The following KALRN variants were observed in gnomAD, a reference collection of about 807,000 sequenced individuals.
KALRN encodes kalirin RhoGEF kinase, also known as kalirin.
A neutral mutation model predicts 353.7 loss-of-function variants in KALRN; 70 were observed. The ratio of observed to expected loss-of-function variants is 0.20; its 90% CI spans 0.16 to 0.24. The LOEUF is 0.24. Among genes scored for constraint, KALRN ranks in the 10% least tolerant of loss-of-function variants. The pLI is 1.00. For synonymous variants in KALRN, 1,391 were observed against 1,434.8 expected, an observed-to-expected ratio of 0.97 and a Z score of 0.69; for missense variants, 2,791 against 3,756.7, an observed-to-expected ratio of 0.74 and a Z score of 6.72.
chr3:124,092,348 TCTC>T (rs1270494746), intron 1 of KALRN, among the ~76,000 whole-genome samples: 10 of 152,130 alleles, frequency 6.6e-5, no homozygotes. Flanking sequence ...TCTGTCTAGG[TCTC>T]CTGCCATGAT....
chr3:124,422,223 T>C (rs374429425), intron 14 of KALRN, among the ~76,000 whole-genome samples: 59 of 152,326 alleles, frequency 3.9e-4, no homozygotes, highest in Admixed American at 1.8e-3. Context: ...TTTCTAACAG[T>C]GCCTTTTTTT....
intron 4 of KALRN, among the ~76,000 whole-genome samples, chr3:124,266,968 C>T (rs1032949370): frequency 6.6e-6 from 1 of 152,156 alleles, no homozygotes; most frequent in Admixed American, 6.5e-5. Flanking sequence ...GCATTGCTGG[C>T]CTGCATGTCC....
At position 124,298,902 on chromosome 3, in the gene KALRN, A is replaced by G. The variant is rs202139324; in HGVS notation, c.1081A>G (p.Met361Val). The G allele has an allele frequency of 6.2e-7, 1 of 1,614,166 alleles. No homozygotes were observed. The highest frequency in any genetic ancestry group is 8.5e-7 in the Non-Finnish European group (1 of 1,180,018). The change falls in exon 6 of 60, where the codon ATG becomes GTG. Residue 361 changes from methionine (M) to valine (V), a missense_variant. Transcript: ENST00000682506. ...DLQTQHNHFA[M>V]NSMNAYVNIN... ...CCAGACGCAGCACAATCACTTTGCC[A>G]TGAACTCCATGGTGAGCTGAGGGGC...
intron 6 of KALRN, among the ~76,000 whole-genome samples, chr3:124,317,500 C>T (rs181384450): frequency 1.4e-4 from 21 of 152,186 alleles, no homozygotes; most frequent in Admixed American, 1.3e-3. Context: ...TAAGATCAGG[C>T]GTGCTAGAAG....
chr3:124,177,781 A>G (rs948708391), intron 1 of KALRN, among the ~76,000 whole-genome samples: 1 of 152,160 alleles, frequency 6.6e-6, no homozygotes, highest in African/African-American at 2.4e-5. Context: ...CTACCATGCT[A>G]AAGATCGCTG....
chr3:124,283,495 G>A lies in KALRN; in HGVS notation c.969+14240G>A, dbSNP rs1167342645. ...CACTCAGAGTCAATATCCCGGGGCT[G>A]TCTGGGCTGACTCCTGGCTTGGTTA... On this transcript the variant is annotated intron_variant, in intron 5 of 59. Coordinates refer to ENST00000682506, the MANE Select transcript of KALRN (RefSeq NM_001388419.1). Among the ~76,000 whole-genome samples the A allele has an allele frequency of 3.3e-5, 5 of 152,146 alleles. No homozygotes were observed. The East Asian group carries it at 9.6e-4, about 29-fold the overall frequency.
intron 33 of KALRN, among the ~76,000 whole-genome samples, chr3:124,544,279 G>A (rs548677308): frequency 6.6e-6 from 1 of 152,280 alleles, no homozygotes; most frequent in East Asian, 1.9e-4. Flanking sequence ...ATCACAAGGG[G>A]GCCAGGTGCA....
At chr3:124,564,074 GCA>G (rs2072426753) in intron 34 of KALRN, among the ~76,000 whole-genome samples, 1 of 146,016 alleles carries the variant, frequency 6.8e-6, no homozygotes, top group Non-Finnish European at 1.5e-5. Context: ...GCATGGTGGC[GCA>G]CGCCTGTAGT....
chr3:124,358,158 T>C (rs1431034828), intron 10 of KALRN, among the ~76,000 whole-genome samples: 1 of 152,212 alleles, frequency 6.6e-6, no homozygotes. Flanking sequence ...GTGAGTTCTT[T>C]GGACTCTTTT....
At chr3:124,454,489 A>G (rs1232071562) in intron 21 of KALRN, among the ~76,000 whole-genome samples, 1 of 152,194 alleles carries the variant, frequency 6.6e-6, no homozygotes, top group East Asian at 1.9e-4. Flanking sequence ...AATGTAAGAG[A>G]TTCTTACATC....
In KALRN at chr3:124,290,827, TC is replaced by T. The variant is rs558290681; in HGVS notation, c.970-7963del. Among the ~76,000 whole-genome samples the T allele has an allele frequency of 1.2e-4, 19 of 152,318 alleles. No individual in the cohort carries two copies. In the East Asian group the frequency reaches 3.5e-3, roughly 28 times the overall value. ...TAACAAATCTTAGTTGTTGGAATCG[TC>T]ATAACTGTCATCATCATTGATGTTA... On this transcript the variant is annotated intron_variant, in intron 5 of 59. Transcript: ENST00000682506.
chr3:124,179,833 T>G (rs969628303), intron 1 of KALRN, among the ~76,000 whole-genome samples: 2 of 152,242 alleles, frequency 1.3e-5, no homozygotes, highest in Admixed American at 6.5e-5. Context: ...TATGCAAATA[T>G]GGTCTCTCTT....
At chr3:124,059,083 T>C (rs948005239) in intron 1 of KALRN, among the ~76,000 whole-genome samples, 1 of 152,142 alleles carries the variant, frequency 6.6e-6, no homozygotes, top group African/African-American at 2.4e-5. Context: ...TTGTGTAGTG[T>C]GGAGGTCCTT....
At chr3:124,221,356 G>T (rs191022576) in intron 1 of KALRN, among the ~76,000 whole-genome samples, 112 of 152,252 alleles carry the variant, frequency 7.4e-4, no homozygotes, top group African/African-American at 2.6e-3. Flanking sequence ...GCCTGTGCGT[G>T]GTCAGTTTCA....
chr3:124,334,537 A>C lies in KALRN; in HGVS notation c.1647+42A>C, dbSNP rs567324585. On this transcript the variant is annotated intron_variant, in intron 9 of 59. Transcript: ENST00000682506. The surrounding 1 kb of genome is among the most constrained non-coding windows in gnomAD (Gnocchi z 4.2). The stretch of plus-strand genomic sequence containing the variant: ...CCCGGTGTCCATTATCCATTCTAGG[A>C]GGCAGACCGAGCTCAAGTCCCTGAC... 2.8e-6 allele frequency: 4 copies of C among 1,426,898 alleles called. No individual in the cohort carries two copies. In the South Asian group the frequency reaches 4.8e-5, roughly 17 times the overall value. The allele number at this position is 1,426,898 out of a possible 1,614,324, so 88.4% of individuals were successfully genotyped here. A position where few individuals can be genotyped will look rare whatever the true frequency, so the allele number is the denominator to read the frequency against.
At chr3:124,578,729 CT>C (rs35103809) in intron 34 of KALRN, among the ~76,000 whole-genome samples, 13,215 of 151,696 alleles carry the variant, frequency 0.087, 752 homozygotes, top group Non-Finnish European at 0.12. Context: ...AGATGTGCCC[CT>C]GCACTCCAGC....
At chr3:124,474,126 C>T (rs774996336) in intron 25 of KALRN, among the ~76,000 whole-genome samples, 11 of 152,046 alleles carry the variant, frequency 7.2e-5, no homozygotes, top group East Asian at 1.9e-4. Context: ...AATTTTTACC[C>T]ATTAAGTTTT....
intron 25 of KALRN, among the ~76,000 whole-genome samples, chr3:124,468,066 T>C (rs1370000947): frequency 6.6e-6 from 1 of 152,032 alleles, no homozygotes; most frequent in Admixed American, 6.5e-5. Context: ...GATAAAGACC[T>C]AGACCTTCCC....
intron 33 of KALRN, among the ~76,000 whole-genome samples, chr3:124,561,026 T>C (rs2071935724): frequency 6.6e-6 from 1 of 152,242 alleles, no homozygotes; most frequent in Non-Finnish European, 1.5e-5. Context: ...GCCTAACCAC[T>C]GATATTGACA....
Sources: allele counts gnomAD v4.1 joint callset (sites outside exome capture counted in the v4.1 genomes callset), GRCh38; gene constraint gnomAD v4.1.1; non-coding constraint Gnocchi (gnomAD v3.1); transcripts MANE v1.5; gene names NCBI Gene and HGNC (gene_info 2026-07-23, HGNC 2026-07-21).